The following PCDH7 variants were observed in gnomAD, a reference collection of about 807,000 sequenced individuals.
PCDH7 encodes protocadherin-7.
A neutral mutation model predicts 58.9 loss-of-function variants in PCDH7; 17 were observed. The ratio of observed to expected loss-of-function variants is 0.29; its 90% CI spans 0.20 to 0.43. PCDH7 has a LOEUF of 0.43. Ranked by LOEUF, PCDH7 falls within the 20% of genes least tolerant of loss-of-function variation. PCDH7 has a pLI of 1.00. For synonymous variants in PCDH7, 664 were observed against 616.4 expected, an observed-to-expected ratio of 1.08 and a Z score of -1.14; for missense variants, 1,274 against 1,441.0, an observed-to-expected ratio of 0.88 and a Z score of 1.88.
chr4:30,980,966 C>A (rs1750501892), intron 3 of PCDH7, among the ~76,000 whole-genome samples: 1 of 152,090 alleles, frequency 6.6e-6, no homozygotes, highest in African/African-American at 2.4e-5. Flanking sequence ...CCTCAGCCTC[C>A]CCAGTAGCTG....
rs561532887 is a variant in PCDH7 at position 31,059,836 on chromosome 4, A to T, written c.*8-82637A>T. ...TTGAAGCATTATACATATTTACTAT[A>T]TAAAGTATTCTTTTATTACCTGTAT... On this transcript the variant is annotated intron_variant, in intron 3 of 3. Coordinates refer to the PCDH7 transcript ENST00000509759. Among the ~76,000 whole-genome samples the T allele has an allele frequency of 3.9e-5, 6 of 151,926 alleles. No homozygotes were observed. In the South Asian group the frequency reaches 1.2e-3, roughly 31 times the overall value.
At chr4:30,797,892 G>T (rs577540879) in intron 1 of PCDH7, among the ~76,000 whole-genome samples, 2 of 152,002 alleles carry the variant, frequency 1.3e-5, no homozygotes, top group African/African-American at 2.4e-5. Flanking sequence ...TAAATTCTGG[G>T]TCTTACAGTT....
chr4:31,115,817 C>G (rs982249784), intron 3 of PCDH7, among the ~76,000 whole-genome samples: 2 of 152,048 alleles, frequency 1.3e-5, no homozygotes, highest in African/African-American at 4.8e-5. Context: ...ATACATTTTG[C>G]CAGCTCAGAA....
chr4:31,070,300 A>G (rs1210990325), intron 3 of PCDH7, among the ~76,000 whole-genome samples: 2 of 152,082 alleles, frequency 1.3e-5, no homozygotes, highest in African/African-American at 4.8e-5. Context: ...GAGATATTTC[A>G]CTGAAACAAA....
At chr4:31,070,365 T>G (rs1758445281) in intron 3 of PCDH7, among the ~76,000 whole-genome samples, 1 of 152,078 alleles carries the variant, frequency 6.6e-6, no homozygotes. Flanking sequence ...CAGACTTGGC[T>G]GGGTAATGTT....
intron 3 of PCDH7, among the ~76,000 whole-genome samples, chr4:31,131,559 C>T (rs759382615): frequency 6.6e-6 from 1 of 152,118 alleles, no homozygotes; most frequent in Non-Finnish European, 1.5e-5. Flanking sequence ...CAAAAGCTCC[C>T]AGATCTTCAT....
intron 1 of PCDH7, among the ~76,000 whole-genome samples, chr4:30,898,859 G>T (rs1372349538): frequency 1.3e-5 from 2 of 152,144 alleles, no homozygotes; most frequent in Admixed American, 1.3e-4. Flanking sequence ...CCAAAGTGCT[G>T]GGATTACAGG....
intron 2 of PCDH7, among the ~76,000 whole-genome samples, chr4:30,923,517 A>C (rs1743450212): frequency 6.6e-6 from 1 of 152,190 alleles, no homozygotes. Context: ...CGCCAAATGT[A>C]GAATGAGGTT....
intron 1 of PCDH7, among the ~76,000 whole-genome samples, chr4:30,854,948 A>G (rs1733268047): frequency 1.3e-5 from 2 of 152,184 alleles, no homozygotes; most frequent in African/African-American, 4.8e-5. Context: ...CTTACTGATC[A>G]GGAGCTGTAT....
chr4:30,907,005 A>AGAGT (rs1283249414), intron 1 of PCDH7, among the ~76,000 whole-genome samples: 25 of 152,200 alleles, frequency 1.6e-4, no homozygotes, highest in African/African-American at 5.5e-4. Context: ...CCTGGGTGAC[A>AGAGT]GAGTGAGACT....
intron 2 of PCDH7, among the ~76,000 whole-genome samples, chr4:30,948,763 TCTCAA>T (rs1164974377): frequency 1.3e-5 from 2 of 152,108 alleles, no homozygotes; most frequent in Non-Finnish European, 2.9e-5. Context: ...TTTCCAAATT[TCTCAA>T]CTCAAGGGCT....
chr4:30,730,471 C>T (rs537769102), intron 1 of PCDH7, among the ~76,000 whole-genome samples: 27 of 152,090 alleles, frequency 1.8e-4, no homozygotes, highest in Admixed American at 1.2e-3. Flanking sequence ...GTTTTAAAGG[C>T]GGAATCAAGG....
At chr4:30,972,263 T>C (rs561043650) in intron 3 of PCDH7, among the ~76,000 whole-genome samples, 9 of 152,226 alleles carry the variant, frequency 5.9e-5, no homozygotes, top group African/African-American at 2.2e-4. Context: ...TGGACTGTTA[T>C]GAAAATTTAA....
At chr4:31,138,292 A>G (rs1719859088) in intron 3 of PCDH7, among the ~76,000 whole-genome samples, 1 of 152,172 alleles carries the variant, frequency 6.6e-6, no homozygotes, top group South Asian at 2.1e-4. Flanking sequence ...GAAAACATAT[A>G]ATTTTCTCCA....
At chr4:31,051,704 C>T (rs1033578868) in intron 3 of PCDH7, among the ~76,000 whole-genome samples, 7 of 152,060 alleles carry the variant, frequency 4.6e-5, no homozygotes, top group African/African-American at 1.7e-4. Context: ...TAAACCTTTA[C>T]AGCATAAAAA....
At position 31,030,479 on chromosome 4, in the gene PCDH7, C is replaced by T. The variant is rs1421520276; in HGVS notation, c.*7+80264C>T. On this transcript the variant is annotated intron_variant, in intron 3 of 3. Coordinates refer to the PCDH7 transcript ENST00000509759. ...AAAGAAAAAGAAGTTGAAGTTTGTT[C>T]TCCAAATTGTGTCTTCAGGATAAGA... Among the ~76,000 whole-genome samples the T allele has an allele frequency of 2.6e-5, 4 of 152,072 alleles. No homozygotes were observed. In the East Asian group the frequency reaches 5.8e-4, roughly 22 times the overall value.
intron 3 of PCDH7, among the ~76,000 whole-genome samples, chr4:31,122,276 C>T (rs886460427): frequency 2.0e-5 from 3 of 152,150 alleles, no homozygotes; most frequent in Admixed American, 2.0e-4. Context: ...AATTAGTCCT[C>T]ACTTTGACTG....
At chr4:30,906,792 G>A (rs1361306715) in intron 1 of PCDH7, among the ~76,000 whole-genome samples, 1 of 152,114 alleles carries the variant, frequency 6.6e-6, no homozygotes, top group Non-Finnish European at 1.5e-5. Context: ...GGAGGCCGAG[G>A]CAGGAGGATC....
intron 3 of PCDH7, among the ~76,000 whole-genome samples, chr4:31,031,470 C>T (rs1356976288): frequency 2.6e-5 from 4 of 152,068 alleles, no homozygotes; most frequent in Non-Finnish European, 5.9e-5. Context: ...TCTGTGTGGT[C>T]TAGTTTGCCT....
Sources: gnomAD v4.1 joint callset for allele counts (sites outside exome capture counted in the v4.1 genomes callset) on GRCh38, gnomAD v4.1.1 for gene constraint, MANE v1.5 for transcripts, NCBI Gene and HGNC (gene_info 2026-07-23, HGNC 2026-07-21) for gene names.